PCDHA2: variants seen among roughly 807,000 people sequenced by gnomAD.
PCDHA2 encodes protocadherin alpha 2, also known as protocadherin alpha-2.
A neutral mutation model predicts 66.0 loss-of-function variants in PCDHA2; 58 were observed. The observed-to-expected ratio is 0.88, with a 90% CI of 0.71 to 1.09. PCDHA2 has a LOEUF of 1.09. PCDHA2 is among the 50% of genes least tolerant of loss of function. The probability of loss-of-function intolerance (pLI) is 0.00; values close to 1 mark genes in which losing one functional copy is unlikely to be tolerated. For missense variants in PCDHA2, 1,267 were observed against 1,242.3 expected (o/e 1.02, Z -0.30); for synonymous variants, 634 against 554.0 (o/e 1.14, Z -2.03).
chr5:140,905,163 G>A (rs782288723), intron 1 of PCDHA2, among the ~76,000 whole-genome samples: 30 of 152,274 alleles, frequency 2.0e-4, no homozygotes, highest in African/African-American at 7.0e-4. Flanking sequence ...AATTTTCATG[G>A]TTTCAGGTTT....
At position 140,795,821 on chromosome 5, in the gene PCDHA2, C is replaced by A; in HGVS notation, c.857C>A (p.Ser286Tyr). ...EIVYSLGSDVSSTIQTKFTID... is the reference protein window; with the variant it reads ...EIVYSLGSDVYSTIQTKFTID... ...GTGTATTCACTCGGTAGTGATGTGT[C>A]CTCCACTATACAGACTAAGTTTACC... Residue 286 changes from serine (S) to tyrosine (Y), a missense_variant, in exon 1 of 4, where the codon TCC (serine) becomes TAC (tyrosine). Transcript: ENST00000526136. 1.9e-6 allele frequency: 3 copies of A among 1,613,094 alleles called. No homozygotes were observed. Among genetic ancestry groups the A allele is most frequent in the Non-Finnish European group, 2.5e-6 (3 of 1,179,270 alleles).
chr5:140,858,068 G>A (rs576753961), intron 1 of PCDHA2: 1 of 1,597,756 alleles, frequency 6.3e-7, no homozygotes, highest in African/African-American at 1.3e-5. Context: ...GGGCAGCCAG[G>A]CACCCAAGGC....
At chr5:140,877,346 G>GGCT (rs1217124440) in intron 1 of PCDHA2, 1 of 1,613,888 alleles carries the variant, frequency 6.2e-7, no homozygotes, top group Non-Finnish European at 8.5e-7. Flanking sequence ...TTCCACGTGG[G>GGCT]GCTGTACACT....
intron 1 of PCDHA2, chr5:140,803,433 G>T (rs369373965): frequency 3.1e-6 from 5 of 1,614,216 alleles, no homozygotes; most frequent in Non-Finnish European, 4.2e-6. Context: ...CAGCGCGGTG[G>T]GGAGCTGGTC....
intron 1 of PCDHA2, chr5:140,870,336 C>T (rs782392888): frequency 2.3e-5 from 37 of 1,614,034 alleles, no homozygotes; most frequent in Non-Finnish European, 2.9e-5. Flanking sequence ...TGGACAGCGC[C>T]CTGGACCGCG....
chr5:140,829,994 C>A, intron 1 of PCDHA2: 1 of 1,613,984 alleles, frequency 6.2e-7, no homozygotes, highest in South Asian at 1.1e-5. Context: ...CAGCACCACT[C>A]GTGTCCTGGA....
chr5:140,884,821 G>A, intron 1 of PCDHA2: 2 of 1,011,756 alleles, frequency 2.0e-6, no homozygotes, highest in South Asian at 2.2e-5. Flanking sequence ...TGGACATTAT[G>A]TGTTGGATTA....
intron 1 of PCDHA2, among the ~76,000 whole-genome samples, chr5:140,821,030 C>T (rs2150108519): frequency 6.6e-6 from 1 of 151,546 alleles, no homozygotes; most frequent in Admixed American, 6.6e-5. Context: ...ATTAGAACTC[C>T]GAGAAGAAAC....
Position 140,795,880 on chromosome 5 carries a change from G to A in PCDHA2, c.916G>A (p.Gly306Arg), listed in dbSNP as rs782136038. 1.4e-5 allele frequency: 22 copies of A among 1,613,780 alleles called. No individual in the cohort carries two copies. Among genetic ancestry groups the A allele is most frequent in the African/African-American group, 2.7e-5 (2 of 74,880 alleles). ...CATCTCAGGGGAAATCAGAACTAAG[G>A]GAAAATTAGATTATGAAGAAGCAAA... ...DPISGEIRTK[G>R]KLDYEEAKSY... Residue 306 changes from glycine to arginine, a missense_variant, in exon 1 of 4, where the codon GGA becomes AGA. Physicochemically the swap from Gly to Arg is moderately radical, Grantham distance 125. Transcript: ENST00000526136.
chr5:140,857,925 A>T (rs1291686886), intron 1 of PCDHA2: 2 of 1,597,686 alleles, frequency 1.3e-6, no homozygotes, highest in Non-Finnish European at 1.7e-6. Flanking sequence ...GTGGGGCTGT[A>T]CACGGGCGAG....
chr5:140,827,986 AATG>A, intron 1 of PCDHA2: 1 of 1,456,760 alleles, frequency 6.9e-7, no homozygotes, highest in Non-Finnish European at 9.2e-7. Context: ...CTGACTGTTG[AATG>A]ATGGCGGACG....
intron 1 of PCDHA2, chr5:140,797,573 A>G (rs1581627263): frequency 3.1e-6 from 2 of 645,776 alleles, no homozygotes; most frequent in East Asian, 2.8e-5. Context: ...TGGCACTTCC[A>G]TCATTAAGTC....
chr5:140,807,616 G>A (rs113425597), intron 1 of PCDHA2: 1 of 1,614,130 alleles, frequency 6.2e-7, no homozygotes, highest in Admixed American at 1.7e-5. Flanking sequence ...TGTCCATCGC[G>A]GAATCCAGGC....
At chr5:140,833,630 C>T (rs1253718011) in intron 1 of PCDHA2, among the ~76,000 whole-genome samples, 1 of 152,092 alleles carries the variant, frequency 6.6e-6, no homozygotes, top group East Asian at 1.9e-4. Context: ...ATACTTCCTC[C>T]TCAAAAAGTT....
At chr5:140,969,004 T>C (rs1554231338) in intron 1 of PCDHA2, 2 of 1,614,060 alleles carry the variant, frequency 1.2e-6, no homozygotes, top group East Asian at 2.2e-5. Flanking sequence ...GAGGCTTCTG[T>C]GGAGTAAGGG....
At position 140,884,772 on chromosome 5, in the gene PCDHA2, T is replaced by G. The variant is rs563372954; in HGVS notation, c.2388+87420T>G. 1.9e-5 allele frequency: 27 copies of G among 1,409,818 alleles called. No homozygotes were observed. In the African/African-American group the frequency reaches 3.6e-4, roughly 19 times the overall value. The allele number at this position is 1,409,818 out of a possible 1,614,324, so 87.3% of individuals were successfully genotyped here. On this transcript the variant is annotated intron_variant, in intron 1 of 3. Transcript: ENST00000526136. Reference sequence around the variant, plus strand: ...TTCAAATTATTCTTTACTTTAATTTTAATTTTGCTAGTTGTTATCGAATTT... The same window carrying G: ...TTCAAATTATTCTTTACTTTAATTTGAATTTTGCTAGTTGTTATCGAATTT...
intron 1 of PCDHA2, chr5:140,858,543 A>AT: frequency 7.1e-7 from 1 of 1,400,318 alleles, no homozygotes; most frequent in Admixed American, 2.0e-5. Flanking sequence ...TCTACATTCC[A>AT]TTTATGCTTG....
intron 1 of PCDHA2, chr5:140,871,192 G>T (rs1582019516): frequency 2.5e-6 from 4 of 1,613,668 alleles, no homozygotes; most frequent in Non-Finnish European, 3.4e-6. Flanking sequence ...GGATGTCAAC[G>T]TGTACCTGAT....
chr5:140,830,327 G>C (rs2150185000), intron 1 of PCDHA2: 1 of 1,614,032 alleles, frequency 6.2e-7, no homozygotes, highest in Non-Finnish European at 8.5e-7. Flanking sequence ...CAGCGCAGTG[G>C]GGAGCTGGTC....
Sources: allele counts gnomAD v4.1 joint callset (sites outside exome capture counted in the v4.1 genomes callset), GRCh38; gene constraint gnomAD v4.1.1; transcripts MANE v1.5; gene names NCBI Gene and HGNC (gene_info 2026-07-23, HGNC 2026-07-21).